The following MAST4 variants were observed in gnomAD, a reference collection of about 807,000 sequenced individuals.
MAST4 encodes the protein microtubule-associated serine/threonine-protein kinase 4.
In MAST4, 89 loss-of-function variants were observed where a neutral mutation model predicts 162.7. That is an observed-to-expected ratio of 0.55 (90% CI 0.46 to 0.65). The LOEUF (loss-of-function observed/expected upper bound fraction) is 0.65, where lower values mean the gene tolerates loss of function less well. MAST4 is among the 30% of genes least tolerant of loss of function. The pLI is 0.00. For missense variants in MAST4, 3,153 were observed against 3,374.0 expected (o/e 0.93, Z 1.62); for synonymous variants, 1,479 against 1,361.1 (o/e 1.09, Z -1.91).
chr5:66,713,096 C>T (rs536835031), intron 1 of MAST4, among the ~76,000 whole-genome samples: 1 of 152,318 alleles, frequency 6.6e-6, no homozygotes, highest in Admixed American at 6.5e-5. Flanking sequence ...CAGCATGTAG[C>T]AGAACAATCT....
intron 14 of MAST4, among the ~76,000 whole-genome samples, chr5:67,127,808 G>A (rs1479114703): frequency 1.3e-5 from 2 of 152,124 alleles, no homozygotes; most frequent in Non-Finnish European, 2.9e-5. Flanking sequence ...AAAAGAACTA[G>A]TAGTTGGTTG....
In MAST4 at chr5:67,149,480, C is replaced by A. The variant is rs745490963; in HGVS notation, c.3186C>A (p.Pro1062=). 3.1e-6 allele frequency: 5 copies of A among 1,613,572 alleles called. No individual in the cohort carries two copies. The highest frequency in any genetic ancestry group is 1.6e-4 in the Middle Eastern group (1 of 6,084). The change falls in exon 24 of 29, where the codon CCC becomes CCA. Residue 1062 remains proline, a synonymous_variant. Coordinates refer to ENST00000403625, the MANE Select transcript of MAST4 (RefSeq NM_001164664.2). ...ATTCCTCAAAGCCATCCAGTGAACCCGCTTCTCACATGGCTCGGCAGCGAT... is the reference window on the plus strand; with the variant it reads ...ATTCCTCAAAGCCATCCAGTGAACCAGCTTCTCACATGGCTCGGCAGCGAT... ...TDNSSKPSSE[P]ASHMARQRLE...
At chr5:66,942,973 T>G (rs1357650529) in intron 4 of MAST4, among the ~76,000 whole-genome samples, 1 of 152,116 alleles carries the variant, frequency 6.6e-6, no homozygotes, top group Non-Finnish European at 1.5e-5. Context: ...TTGCTATGTC[T>G]TCTTCATATG....
intron 10 of MAST4, 121 bp from the exon 11 acceptor site, chr5:67,109,977 A>C: frequency 1.5e-6 from 1 of 675,644 alleles, no homozygotes; most frequent in Non-Finnish European, 2.6e-6. Context: ...TTTTAATAGC[A>C]TTTTCTAAAT....
chr5:67,039,354 C>T (rs1031910005), intron 4 of MAST4, among the ~76,000 whole-genome samples: 2 of 152,172 alleles, frequency 1.3e-5, no homozygotes, highest in Non-Finnish European at 2.9e-5. Flanking sequence ...CATTGAATTT[C>T]TGCTTAGCAG....
rs1773658696 is a variant in MAST4 at position 67,164,709 on chromosome 5, C to T, written c.5530C>T (p.Pro1844Ser). ...DVRASVPPVLPSSSGKKNDTT... is the reference protein window; with the variant it reads ...DVRASVPPVLSSSSGKKNDTT... ...GAGGGCCTCTGTGCCACCAGTTCTC[C>T]CCAGCAGCAGTGGGAAAAAGAACGA... The change falls in exon 29 of 29, where the codon CCC (proline) becomes TCC (serine). Residue 1844 changes from proline (P) to serine (S), a missense_variant. Transcript: ENST00000403625. This position sits in a 1 kb window ranked among gnomAD's most constrained non-coding sequence, Gnocchi z 5.3. 1 of 1,614,022 alleles carries T rather than the reference C, an allele frequency of 6.2e-7. No homozygotes were observed. The highest frequency in any genetic ancestry group is 8.5e-7 in the Non-Finnish European group (1 of 1,179,892).
chr5:66,796,558 G>T (rs781441096), intron 3 of MAST4, among the ~76,000 whole-genome samples: 1 of 152,106 alleles, frequency 6.6e-6, no homozygotes, highest in Non-Finnish European at 1.5e-5. Context: ...GTTATCAAAG[G>T]TCCATTTGAC....
chr5:67,004,424 C>CT (rs1349907154), intron 4 of MAST4, among the ~76,000 whole-genome samples: 1 of 152,198 alleles, frequency 6.6e-6, no homozygotes, highest in African/African-American at 2.4e-5. Context: ...TAAGTTTCCG[C>CT]TTTTTTCAGG....
chr5:67,074,090 T>C (rs1268408004), intron 5 of MAST4, among the ~76,000 whole-genome samples: 1 of 151,986 alleles, frequency 6.6e-6, no homozygotes, highest in African/African-American at 2.4e-5. Flanking sequence ...TGTTAAGTCA[T>C]AAAGAGCTTT....
chr5:67,059,089 A>G (rs1216778875), intron 5 of MAST4, among the ~76,000 whole-genome samples: 3 of 152,212 alleles, frequency 2.0e-5, no homozygotes, highest in Non-Finnish European at 2.9e-5. Context: ...TTCCAAGCCC[A>G]TGCAGTTGTG....
intron 3 of MAST4, among the ~76,000 whole-genome samples, chr5:66,850,752 T>C (rs2149811274): frequency 6.6e-6 from 1 of 152,254 alleles, no homozygotes; most frequent in African/African-American, 2.4e-5. Context: ...ATACTTCTGG[T>C]TCTAAGCATT....
At chr5:66,847,056 C>T (rs764800510) in intron 3 of MAST4, among the ~76,000 whole-genome samples, 17 of 152,048 alleles carry the variant, frequency 1.1e-4, no homozygotes, top group Non-Finnish European at 2.4e-4. Context: ...TTAGGAAATA[C>T]GTAGCCTCAA....
intron 4 of MAST4, among the ~76,000 whole-genome samples, chr5:66,982,091 C>CAG (rs1404038150): frequency 3.3e-5 from 5 of 152,126 alleles, no homozygotes; most frequent in Admixed American, 3.3e-4. Context: ...TCAGGATTTA[C>CAG]AGAGAGAGAT....
chr5:66,811,454 A>C (rs1490800782), intron 3 of MAST4, among the ~76,000 whole-genome samples: 1 of 152,224 alleles, frequency 6.6e-6, no homozygotes. Flanking sequence ...AAAATGATCC[A>C]GGAAAGGTTG....
chr5:66,993,909 G>A (rs1205365499), intron 4 of MAST4, among the ~76,000 whole-genome samples: 2 of 127,986 alleles, frequency 1.6e-5, no homozygotes, highest in Non-Finnish European at 3.3e-5. Flanking sequence ...GAATCAATGG[G>A]TGTGCAGAAG....
At chr5:66,844,041 G>A (rs1303927498) in intron 3 of MAST4, among the ~76,000 whole-genome samples, 1 of 151,936 alleles carries the variant, frequency 6.6e-6, no homozygotes, top group East Asian at 1.9e-4. Context: ...CATTATAATA[G>A]CCCTTCCCGT....
chr5:66,657,949 G>A (rs556627809), intron 1 of MAST4, among the ~76,000 whole-genome samples: 36 of 152,240 alleles, frequency 2.4e-4, no homozygotes, highest in Non-Finnish European at 4.4e-4. Context: ...TTTTATGTGG[G>A]GGAATATGTT....
chr5:67,004,048 G>A (rs1161954174), intron 4 of MAST4: 1 of 152,244 alleles, frequency 6.6e-6, no homozygotes, highest in Non-Finnish European at 1.5e-5. Context: ...CATCCCTCCC[G>A]CGGTGAATCA....
intron 4 of MAST4, among the ~76,000 whole-genome samples, chr5:66,945,447 T>C (rs982742861): frequency 8.5e-5 from 13 of 152,152 alleles, no homozygotes; most frequent in African/African-American, 3.1e-4. Context: ...TTACACATAC[T>C]ATCAGGAAAG....
Sources: allele counts gnomAD v4.1 joint callset (sites outside exome capture counted in the v4.1 genomes callset), GRCh38; gene constraint gnomAD v4.1.1; non-coding constraint Gnocchi (gnomAD v3.1); transcripts MANE v1.5; gene names NCBI Gene and HGNC (gene_info 2026-07-23, HGNC 2026-07-21).